Variants in FGF14 observed in about 807,000 individuals in gnomAD.
FGF14 encodes fibroblast growth factor homologous factor 4.
A neutral mutation model predicts 25.5 loss-of-function variants in FGF14; 5 were observed. The observed-to-expected ratio is 0.20, with a 90% CI of 0.10 to 0.41. The LOEUF (loss-of-function observed/expected upper bound fraction) is 0.41, where lower values mean the gene tolerates loss of function less well. Among genes scored for constraint, FGF14 ranks in the 10% least tolerant of loss-of-function variants. The pLI is 1.00. For synonymous variants in FGF14, 138 were observed against 118.3 expected (o/e 1.17, Z -1.08); for missense variants, 222 against 320.1 (o/e 0.69, Z 2.34).
chr13:102,275,234 T>TTCTCTGTC, intron 1 of FGF14, among the ~76,000 whole-genome samples: 1 of 67,490 alleles, frequency 1.5e-5, no homozygotes, highest in South Asian at 4.3e-4. Context: ...TTAGGCAGAT[T>TTCTCTGTC]TCTCTCTCTC....
intron 3 of FGF14, among the ~76,000 whole-genome samples, chr13:101,792,471 C>G (rs1037800462): frequency 2.6e-5 from 4 of 152,084 alleles, no homozygotes; most frequent in African/African-American, 9.7e-5. Context: ...AAAATGAAAA[C>G]TCTGAACAAC....
At chr13:102,176,076 C>T (rs2048437250) in intron 1 of FGF14, among the ~76,000 whole-genome samples, 1 of 151,960 alleles carries the variant, frequency 6.6e-6, no homozygotes, top group Admixed American at 6.6e-5. Context: ...GATATCTACC[C>T]AAAGGAAAAG....
chr13:102,220,108 T>C (rs1229600310), intron 1 of FGF14, among the ~76,000 whole-genome samples: 2 of 152,168 alleles, frequency 1.3e-5, no homozygotes. Context: ...AAAAGTTGGA[T>C]GAAAATTGAA....
At chr13:101,863,942 C>T (rs1021957622) in intron 3 of FGF14, among the ~76,000 whole-genome samples, 1 of 151,968 alleles carries the variant, frequency 6.6e-6, no homozygotes, top group Non-Finnish European at 1.5e-5. Context: ...ATAAGAGAAG[C>T]CTGCTGGCAC....
At chr13:102,184,084 T>G (rs988479991) in intron 1 of FGF14, among the ~76,000 whole-genome samples, 6 of 152,198 alleles carry the variant, frequency 3.9e-5, no homozygotes, top group Non-Finnish European at 5.9e-5. Flanking sequence ...TGAGTTCCAG[T>G]CACTCAGGGG....
intron 1 of FGF14, among the ~76,000 whole-genome samples, chr13:102,082,565 A>C (rs1371897009): frequency 6.6e-6 from 1 of 152,210 alleles, no homozygotes; most frequent in East Asian, 1.9e-4. Context: ...CAAAACATGA[A>C]AATGGGGCCA....
At chr13:102,006,171 A>C (rs2039773356) in intron 1 of FGF14, among the ~76,000 whole-genome samples, 1 of 152,222 alleles carries the variant, frequency 6.6e-6, no homozygotes, top group Non-Finnish European at 1.5e-5. Context: ...AATGTTAACA[A>C]GGGGAGAACC....
chr13:101,856,230 T>C (rs1183192589), intron 3 of FGF14, among the ~76,000 whole-genome samples: 1 of 151,790 alleles, frequency 6.6e-6, no homozygotes, highest in Non-Finnish European at 1.5e-5. Context: ...TAGGTAAAAA[T>C]TGTCTAGACA....
intron 3 of FGF14, among the ~76,000 whole-genome samples, chr13:101,757,705 C>A (rs1223574150): frequency 3.3e-5 from 5 of 152,094 alleles, no homozygotes; most frequent in African/African-American, 1.2e-4. Context: ...CTTTGAATAG[C>A]AAAATGATTG....
intron 1 of FGF14, among the ~76,000 whole-genome samples, chr13:102,365,689 A>G (rs1176692659): frequency 6.6e-6 from 1 of 151,998 alleles, no homozygotes; most frequent in Non-Finnish European, 1.5e-5. Flanking sequence ...TCTGAATTTC[A>G]GTCTCCACTT....
chr13:102,076,011 T>G (rs1201915998), intron 1 of FGF14, among the ~76,000 whole-genome samples: 2 of 151,926 alleles, frequency 1.3e-5, no homozygotes, highest in African/African-American at 4.8e-5. Context: ...TACAGAAGAG[T>G]CAAAAATTTA....
At chr13:102,285,393 G>A (rs191781757) in intron 1 of FGF14, among the ~76,000 whole-genome samples, 1 of 152,280 alleles carries the variant, frequency 6.6e-6, no homozygotes, top group East Asian at 1.9e-4. Context: ...TTACATCCGT[G>A]AATTTCAGGA....
In FGF14 at chr13:102,271,675, T is replaced by A. The variant is rs576289352; in HGVS notation, c.208+129796A>T. On this transcript the variant is annotated intron_variant, in intron 1 of 4. Transcript: ENST00000376131. ...CAAAACTATAAGTTTAAATTCCAAA[T>A]AACTAGTACAGTGTCTGGGTCTGCA... Among the ~76,000 whole-genome samples, 8 of 152,324 alleles carry A rather than the reference T, an allele frequency of 5.3e-5. No homozygotes were observed. In the South Asian group the frequency reaches 1.7e-3, roughly 32 times the overall value.
At chr13:101,867,708 C>T (rs1172837233) in intron 3 of FGF14, among the ~76,000 whole-genome samples, 1 of 152,032 alleles carries the variant, frequency 6.6e-6, no homozygotes, top group Non-Finnish European at 1.5e-5. Flanking sequence ...ATGTGGGACC[C>T]AGTTCTCTGT....
intron 1 of FGF14, among the ~76,000 whole-genome samples, chr13:101,958,208 C>A (rs1172780978): frequency 6.6e-6 from 1 of 152,100 alleles, no homozygotes; most frequent in Non-Finnish European, 1.5e-5. Flanking sequence ...GTGAGGTTGG[C>A]AATTTATAAA....
At chr13:102,222,163 T>C (rs1243182550) in intron 1 of FGF14, among the ~76,000 whole-genome samples, 2 of 152,178 alleles carry the variant, frequency 1.3e-5, no homozygotes, top group African/African-American at 2.4e-5. Flanking sequence ...ATCGTAAGTA[T>C]GTAGTAAGTA....
intron 1 of FGF14, among the ~76,000 whole-genome samples, chr13:102,041,008 T>C (rs745514436): frequency 1.4e-4 from 21 of 152,014 alleles, no homozygotes; most frequent in Non-Finnish European, 1.9e-4. Flanking sequence ...CACCCTACCA[T>C]ACCCAGCAGG....
At chr13:102,017,221 T>TG in intron 1 of FGF14, among the ~76,000 whole-genome samples, 2 of 152,264 alleles carry the variant, frequency 1.3e-5, no homozygotes, top group South Asian at 4.1e-4. Context: ...GGATGTGTGC[T>TG]GGGGGAGAAA....
At chr13:102,078,175 T>C (rs2140181430) in intron 1 of FGF14, among the ~76,000 whole-genome samples, 1 of 152,282 alleles carries the variant, frequency 6.6e-6, no homozygotes, top group East Asian at 1.9e-4. Flanking sequence ...GGACACAAAA[T>C]TTCAATTCAA....
Sources: allele counts gnomAD v4.1 joint callset (sites outside exome capture counted in the v4.1 genomes callset), GRCh38; gene constraint gnomAD v4.1.1; transcripts MANE v1.5; gene names NCBI Gene and HGNC (gene_info 2026-07-23, HGNC 2026-07-21).